Variants in TSHZ2 observed in about 807,000 individuals in gnomAD.
TSHZ2 encodes the protein teashirt zinc finger homeobox 2, also known as teashirt homolog 2.
Under a neutral mutation model 74.4 loss-of-function variants are expected in TSHZ2, and 21 were observed. That is an observed-to-expected ratio of 0.28 (90% confidence interval 0.20 to 0.41). The LOEUF is 0.41. TSHZ2 is among the 10% of genes least tolerant of loss of function. The probability of loss-of-function intolerance (pLI) is 1.00; values close to 1 mark genes in which losing one functional copy is unlikely to be tolerated. For synonymous variants in TSHZ2, 540 were observed against 515.3 expected (o/e 1.05, Z -0.65); for missense variants, 1,244 against 1,293.5 (o/e 0.96, Z 0.59).
intron 2 of TSHZ2, among the ~76,000 whole-genome samples, chr20:53,454,864 C>T (rs1984986902): frequency 6.6e-6 from 1 of 152,170 alleles, no homozygotes; most frequent in Non-Finnish European, 1.5e-5. Flanking sequence ...TATCAAGGAA[C>T]TGAAACTTAC....
chr20:53,346,334 G>T (rs1980437059), intron 2 of TSHZ2, among the ~76,000 whole-genome samples: 1 of 152,132 alleles, frequency 6.6e-6, no homozygotes, highest in Admixed American at 6.5e-5. Flanking sequence ...TATCAGCATT[G>T]CAGAGACAAC....
intron 1 of TSHZ2, among the ~76,000 whole-genome samples, chr20:53,247,655 A>G (rs1046672984): frequency 6.6e-6 from 1 of 152,196 alleles, no homozygotes; most frequent in Non-Finnish European, 1.5e-5. Context: ...ACGCTGAGAA[A>G]TTCTCACGAT....
chr20:53,024,134 G>A (rs553022575), intron 1 of TSHZ2, among the ~76,000 whole-genome samples: 32 of 151,474 alleles, frequency 2.1e-4, no homozygotes, highest in South Asian at 4.2e-4. Flanking sequence ...CAAAAAAGCT[G>A]TACTCATAAC....
At chr20:53,197,025 T>G (rs1988887823) in intron 1 of TSHZ2, among the ~76,000 whole-genome samples, 1 of 152,246 alleles carries the variant, frequency 6.6e-6, no homozygotes, top group Non-Finnish European at 1.5e-5. Flanking sequence ...CTACCTTCTC[T>G]CTCCATAATC....
At chr20:53,150,128 G>T (rs1987641852) in intron 1 of TSHZ2, among the ~76,000 whole-genome samples, 1 of 152,156 alleles carries the variant, frequency 6.6e-6, no homozygotes, top group Non-Finnish European at 1.5e-5. Flanking sequence ...TTTCTGTTTT[G>T]GGGATGGTGT....
intron 1 of TSHZ2, among the ~76,000 whole-genome samples, chr20:53,211,206 C>CA (rs1989295662): frequency 1.3e-5 from 2 of 152,184 alleles, no homozygotes; most frequent in Admixed American, 1.3e-4. Context: ...TATGAGGAAA[C>CA]AGGCCCAGAG....
At chr20:53,085,182 G>A (rs1985659239) in intron 1 of TSHZ2, among the ~76,000 whole-genome samples, 1 of 151,988 alleles carries the variant, frequency 6.6e-6, no homozygotes, top group Non-Finnish European at 1.5e-5. Flanking sequence ...GGCGAATATG[G>A]TGAAACCTCA....
rs545411475 is a variant in TSHZ2 at position 53,322,284 on chromosome 20, G to A, written c.*8+65713G>A. ...TCCTAGCACTTTGGGACGCCAAGGCGGGTGGATCACTTGAGGTCAAGAGTT... is the reference window on the plus strand; with the variant it reads ...TCCTAGCACTTTGGGACGCCAAGGCAGGTGGATCACTTGAGGTCAAGAGTT... On this transcript the variant is annotated intron_variant, in intron 2 of 2. Coordinates refer to ENST00000371497, the MANE Select transcript of TSHZ2 (RefSeq NM_173485.6). 5.6e-4 allele frequency among the ~76,000 whole-genome samples: 86 copies of A among 152,282 alleles called. 3 individuals are homozygous for A. The highest frequency in any genetic ancestry group is 3.9e-3 in the South Asian group (19 of 4,830).
chr20:53,028,062 A>C (rs1488768667), intron 1 of TSHZ2, among the ~76,000 whole-genome samples: 1 of 152,208 alleles, frequency 6.6e-6, no homozygotes, highest in African/African-American at 2.4e-5. Context: ...TTTCAGAGCC[A>C]TTAAGAAGCA....
intron 2 of TSHZ2, among the ~76,000 whole-genome samples, chr20:53,274,536 T>A (rs1215848918): frequency 6.6e-6 from 1 of 152,232 alleles, no homozygotes; most frequent in East Asian, 1.9e-4. Context: ...TCCCCGTGAT[T>A]ACTGAAATCT....
At chr20:53,339,649 T>C (rs1049257818) in intron 2 of TSHZ2, among the ~76,000 whole-genome samples, 3 of 152,162 alleles carry the variant, frequency 2.0e-5, no homozygotes, top group African/African-American at 7.2e-5. Flanking sequence ...CGCTATGCAG[T>C]TGCACAGGTC....
chr20:53,158,322 G>A (rs1987845974), intron 1 of TSHZ2, among the ~76,000 whole-genome samples: 2 of 152,156 alleles, frequency 1.3e-5, no homozygotes, highest in African/African-American at 4.8e-5. Context: ...GAAGGTTTGG[G>A]GCAGGAGAAA....
rs899238014 is a variant in TSHZ2, at chr20:52,977,195, A to G, written c.40+3862A>G. On this transcript the variant is annotated intron_variant, in intron 1 of 2. Coordinates refer to ENST00000371497, the MANE Select transcript of TSHZ2 (RefSeq NM_173485.6). Reference sequence around the variant, plus strand: ...GGTCCCAGAAATCTCAACCAACAGGATGGAGGGAGGGGGCAGGCAGCTCAG... The same window carrying G: ...GGTCCCAGAAATCTCAACCAACAGGGTGGAGGGAGGGGGCAGGCAGCTCAG... 5.9e-5 allele frequency among the ~76,000 whole-genome samples: 9 copies of G among 152,084 alleles called. No homozygotes were observed. In the East Asian group the frequency reaches 1.5e-3, roughly 26 times the overall value.
chr20:53,268,255 T>C (rs754444066), intron 2 of TSHZ2, among the ~76,000 whole-genome samples: 2 of 152,152 alleles, frequency 1.3e-5, no homozygotes, highest in Non-Finnish European at 1.5e-5. Flanking sequence ...CTGTGCAAGA[T>C]ACAGACCCAG....
chr20:53,229,025 A>G lies in TSHZ2; in HGVS notation c.41-24474A>G, dbSNP rs1989756820. On this transcript the variant is annotated intron_variant, in intron 1 of 2. Coordinates refer to ENST00000371497, the MANE Select transcript of TSHZ2 (RefSeq NM_173485.6). ...GATTTTGACCCATACTCGGGAGTCAACACACTCTTTGCACCTTTGCTTTTT... is the reference window on the plus strand; with the variant it reads ...GATTTTGACCCATACTCGGGAGTCAGCACACTCTTTGCACCTTTGCTTTTT... Among the ~76,000 whole-genome samples, 4 of 152,198 alleles carry G rather than the reference A, an allele frequency of 2.6e-5. No homozygotes were observed. In the South Asian group the frequency reaches 8.3e-4, roughly 32 times the overall value.
intron 1 of TSHZ2, among the ~76,000 whole-genome samples, chr20:52,986,811 T>C (rs1981783862): frequency 6.6e-6 from 1 of 152,218 alleles, no homozygotes; most frequent in Admixed American, 6.5e-5. Context: ...TTTCATTGAC[T>C]ATGACATAAA....
chr20:53,007,822 T>A (rs1486072749), intron 1 of TSHZ2, among the ~76,000 whole-genome samples: 1 of 151,972 alleles, frequency 6.6e-6, no homozygotes, highest in Admixed American at 6.6e-5. Context: ...CATGACATGG[T>A]TAATGATTAA....
chr20:53,150,742 A>AAAGG (rs1036682484), intron 1 of TSHZ2, among the ~76,000 whole-genome samples: 1 of 152,188 alleles, frequency 6.6e-6, no homozygotes, highest in East Asian at 1.9e-4. Context: ...AGGAGGGAAG[A>AAAGG]AAGGAAGGAA....
In TSHZ2 at chr20:53,196,366, T is replaced by TAAAAAAAAAAA. The variant is rs34385917; in HGVS notation, c.41-57117_41-57107dup. 7.7e-4 allele frequency: 84 copies of TAAAAAAAAAAA among 109,662 alleles called. 1 individual carries two copies. The highest frequency in any genetic ancestry group is 2.5e-3 in the African/African-American group (80 of 32,194). 6.8% of individuals were successfully genotyped at this position (109,662 alleles called of 1,614,324 possible). ...CCCGGAGGCATCAAGAATCTGCTGC[T>TAAAAAAAAAAA]AAAAAAAAAAAAAAAAAAAAAAAAA... On this transcript the variant is annotated intron_variant, in intron 1 of 2. Coordinates refer to ENST00000371497, the MANE Select transcript of TSHZ2 (RefSeq NM_173485.6).
Sources: gnomAD v4.1 joint callset for allele counts (sites outside exome capture counted in the v4.1 genomes callset) on GRCh38, gnomAD v4.1.1 for gene constraint, MANE v1.5 for transcripts, NCBI Gene and HGNC (gene_info 2026-07-23, HGNC 2026-07-21) for gene names.